The following SDK1 variants were observed in gnomAD, a reference collection of about 807,000 sequenced individuals.
SDK1 encodes sidekick cell adhesion molecule 1.
A neutral mutation model predicts 245.5 loss-of-function variants in SDK1; 157 were observed. The observed-to-expected ratio is 0.64, with a 90% CI of 0.56 to 0.73. The LOEUF is 0.73. Ranked by LOEUF, SDK1 falls within the 30% of genes least tolerant of loss-of-function variation. The probability of loss-of-function intolerance (pLI) is 0.00; values close to 1 mark genes in which losing one functional copy is unlikely to be tolerated. For synonymous variants in SDK1, 1,647 were observed against 1,278.5 expected, an observed-to-expected ratio of 1.29 and a Z score of -6.15; for missense variants, 3,583 against 3,002.3, an observed-to-expected ratio of 1.19 and a Z score of -4.52.
chr7:3,788,702 G>T (rs1780986881), intron 4 of SDK1, among the ~76,000 whole-genome samples: 1 of 152,212 alleles, frequency 6.6e-6, no homozygotes, highest in Non-Finnish European at 1.5e-5. Context: ...GTAAGTTTAT[G>T]AATTTGTGTT....
chr7:3,737,379 G>A (rs1042235532), intron 4 of SDK1, among the ~76,000 whole-genome samples: 1 of 152,236 alleles, frequency 6.6e-6, no homozygotes, highest in Admixed American at 6.5e-5. Flanking sequence ...GCAGGGGGGC[G>A]TCCACTGTGT....
chr7:3,359,681 C>T (rs556153932), intron 1 of SDK1, among the ~76,000 whole-genome samples: 14 of 152,218 alleles, frequency 9.2e-5, no homozygotes, highest in African/African-American at 3.1e-4. Context: ...TCCCGGGTGG[C>T]GCGCTGTGAG....
intron 1 of SDK1, among the ~76,000 whole-genome samples, chr7:3,426,385 G>A (rs1270285362): frequency 1.3e-5 from 2 of 152,160 alleles, no homozygotes; most frequent in African/African-American, 4.8e-5. Context: ...TGTGGAGTTG[G>A]ACAGGCTGGC....
At chr7:3,586,541 C>G (rs943133714) in intron 1 of SDK1, among the ~76,000 whole-genome samples, 1 of 133,562 alleles carries the variant, frequency 7.5e-6, no homozygotes, top group African/African-American at 2.7e-5. Flanking sequence ...ACAAAAAATA[C>G]AAAAAAAAAA....
intron 5 of SDK1, among the ~76,000 whole-genome samples, chr7:3,872,632 C>T (rs73674325): frequency 7.3e-4 from 109 of 148,692 alleles, no homozygotes; most frequent in African/African-American, 2.6e-3. Flanking sequence ...ATATTCCACT[C>T]GAATATTGTA....
chr7:3,951,627 G>A (rs1407883443), intron 6 of SDK1, 103 bp from the exon 7 acceptor site: 11 of 981,494 alleles, frequency 1.1e-5, no homozygotes, highest in Non-Finnish European at 1.7e-5. Context: ...CATGCACCCT[G>A]GTAGCATTAG....
At chr7:3,567,487 G>A (rs1344987272) in intron 1 of SDK1, among the ~76,000 whole-genome samples, 3 of 152,178 alleles carry the variant, frequency 2.0e-5, no homozygotes, top group Non-Finnish European at 2.9e-5. Flanking sequence ...TTTAGACTAA[G>A]TGGTCAAAAA....
At chr7:3,730,567 G>C (rs1333071685) in intron 4 of SDK1, among the ~76,000 whole-genome samples, 4 of 152,172 alleles carry the variant, frequency 2.6e-5, no homozygotes, top group Admixed American at 2.0e-4. Flanking sequence ...GCAGAAGATT[G>C]AGTGTCCTGG....
At chr7:3,857,504 G>A (rs189495609) in intron 5 of SDK1, among the ~76,000 whole-genome samples, 1 of 152,114 alleles carries the variant, frequency 6.6e-6, no homozygotes. Context: ...GCAACATGGT[G>A]AGACCCCATT....
chr7:3,898,561 A>G (rs1029089785), intron 5 of SDK1, among the ~76,000 whole-genome samples: 1 of 152,116 alleles, frequency 6.6e-6, no homozygotes, highest in Non-Finnish European at 1.5e-5. Context: ...TATTTTTCCA[A>G]TTTTATCATT....
chr7:4,221,149 G>A (rs996389677), intron 39 of SDK1, 90 bp from the exon 40 acceptor site: 20 of 1,499,984 alleles, frequency 1.3e-5, no homozygotes, highest in Admixed American at 7.0e-5. Context: ...AGCCTCGACC[G>A]GTCTGACCCC....
chr7:3,701,540 A>T (rs1171935965), intron 4 of SDK1, among the ~76,000 whole-genome samples: 4 of 152,162 alleles, frequency 2.6e-5, no homozygotes, highest in Non-Finnish European at 5.9e-5. Context: ...TTGGGGTTGT[A>T]GTGAGCTATG....
chr7:3,898,069 G>C (rs1322420188), intron 5 of SDK1, among the ~76,000 whole-genome samples: 1 of 152,184 alleles, frequency 6.6e-6, no homozygotes, highest in African/African-American at 2.4e-5. Context: ...TACGGTATTA[G>C]CATGAAGCAA....
rs762043255 is a variant in SDK1, at chr7:4,009,160, G to A, written c.2132-1806G>A. Among the ~76,000 whole-genome samples, 10 of 152,170 alleles carry A rather than the reference G, an allele frequency of 6.6e-5. 1 individual carries two copies. The highest frequency in any genetic ancestry group is 4.1e-4 in the South Asian group (2 of 4,832). On this transcript the variant is annotated intron_variant, in intron 14 of 44. Transcript: ENST00000404826. ...GTTCTGTTTTGTCCACTGTTTTCAC[G>A]GAAGTTCAAACAAAACTGAACACCC... is the stretch of plus-strand genomic sequence containing the variant.
At chr7:3,891,745 G>A (rs1050883880) in intron 5 of SDK1, among the ~76,000 whole-genome samples, 1 of 152,160 alleles carries the variant, frequency 6.6e-6, no homozygotes, top group African/African-American at 2.4e-5. Context: ...CGGCGCAAGA[G>A]CCAATGATTG....
chr7:3,558,136 C>A (rs938892167), intron 1 of SDK1, among the ~76,000 whole-genome samples: 1 of 152,008 alleles, frequency 6.6e-6, no homozygotes, highest in African/African-American at 2.4e-5. Context: ...GGTATAGTTG[C>A]CGAATCAGAT....
chr7:3,494,909 T>C (rs1256337706), intron 1 of SDK1, among the ~76,000 whole-genome samples: 1 of 152,216 alleles, frequency 6.6e-6, no homozygotes, highest in African/African-American at 2.4e-5. Flanking sequence ...TGTGTCTCCT[T>C]CTCTCTATCT....
At chr7:4,007,015 T>C (rs1171078174) in intron 14 of SDK1, among the ~76,000 whole-genome samples, 1 of 152,222 alleles carries the variant, frequency 6.6e-6, no homozygotes, top group African/African-American at 2.4e-5. Context: ...CTTGACTGTC[T>C]CTTTCTGAAA....
intron 1 of SDK1, among the ~76,000 whole-genome samples, chr7:3,356,081 G>C (rs569659665): frequency 5.3e-5 from 8 of 152,304 alleles, no homozygotes; most frequent in Admixed American, 1.3e-4. Context: ...TCACAGCCTT[G>C]TAGCTTATGA....
Sources: allele counts gnomAD v4.1 joint callset (sites outside exome capture counted in the v4.1 genomes callset), GRCh38; gene constraint gnomAD v4.1.1; transcripts MANE v1.5; gene names NCBI Gene and HGNC (gene_info 2026-07-23, HGNC 2026-07-21).